The following CP variants were observed in gnomAD, a reference collection of about 807,000 sequenced individuals.
CP encodes caeruloplasmin.
A neutral mutation model predicts 122.4 loss-of-function variants in CP; 64 were observed. The observed-to-expected ratio is 0.52, with a 90% CI of 0.43 to 0.64. The LOEUF is 0.64. CP is among the 30% of genes least tolerant of loss of function. CP has a pLI of 0.00. For synonymous variants in CP, 440 were observed against 436.4 expected (o/e 1.01, Z -0.10); for missense variants, 1,167 against 1,284.4 (o/e 0.91, Z 1.40).
At chr3:149,219,352 C>T (rs551385545) in intron 1 of CP, among the ~76,000 whole-genome samples, 2 of 152,254 alleles carry the variant, frequency 1.3e-5, no homozygotes, top group South Asian at 4.1e-4. Context: ...TTGGCTGTGT[C>T]CCCACCCAAA....
At chr3:149,176,846 A>G in intron 17 of CP, 1 of 162,448 alleles carries the variant, frequency 6.2e-6, no homozygotes, top group South Asian at 1.7e-4. Flanking sequence ...GATGAAAACG[A>G]CAAAAACCAG....
chr3:149,211,192 CAACT>C (rs1274143011), intron 2 of CP, among the ~76,000 whole-genome samples: 2 of 152,146 alleles, frequency 1.3e-5, no homozygotes, highest in Admixed American at 6.5e-5. Context: ...TTTAATAAGA[CAACT>C]AATAATGAAT....
chr3:149,174,480 C>T (rs1289674474), intron 18 of CP, among the ~76,000 whole-genome samples: 1 of 152,106 alleles, frequency 6.6e-6, no homozygotes, highest in East Asian at 1.9e-4. Context: ...GCCAATGTGG[C>T]TACGCACATC....
intron 6 of CP, 142 bp from the exon 7 acceptor site, chr3:149,202,383 G>T: frequency 9.5e-7 from 1 of 1,049,788 alleles, no homozygotes; most frequent in Non-Finnish European, 1.4e-6. Flanking sequence ...ATCCGTACCA[G>T]TTACTCAAAC....
intron 5 of CP, among the ~76,000 whole-genome samples, chr3:149,164,521 G>A (rs190210432): frequency 1.1e-4 from 16 of 152,326 alleles, no homozygotes; most frequent in Admixed American, 3.3e-4. Flanking sequence ...GGTGGATCAG[G>A]CTGGGCCACA....
At chr3:149,210,489 T>G in intron 2 of CP, 110 bp from the exon 3 acceptor site, 1 of 958,850 alleles carries the variant, frequency 1.0e-6, no homozygotes, top group Non-Finnish European at 1.7e-6. Flanking sequence ...ATCTACTATG[T>G]GATCCTTGGG....
In CP at chr3:149,210,192, G is replaced by A; in HGVS notation, c.582C>T (p.Ile194=). The change falls in exon 3 of 19, where the codon ATC becomes ATT. Residue 194 remains isoleucine (I), a synonymous_variant. Transcript: ENST00000264613. ...CTTTTTTACAGATTATTAAAGGTCC[G>A]ATGAGTCCTGAGGCAATATCTTTTG... The part of the protein sequence containing the change: ...DAPKDIASGL[I]GPLIICKKDS... 6 of 1,613,970 alleles carry A rather than the reference G, an allele frequency of 3.7e-6. No individual in the cohort carries two copies. Among genetic ancestry groups the A allele is most frequent in the African/African-American group, 1.3e-5 (1 of 75,026 alleles).
downstream of CP, among the ~76,000 whole-genome samples, chr3:149,169,581 A>G (rs2108191730): frequency 6.6e-6 from 1 of 152,326 alleles, no homozygotes; most frequent in South Asian, 2.1e-4. Context: ...ATTAAACAGT[A>G]TCCCTGGTCT....
intron 10 of CP, 184 bp downstream of exon 10, chr3:149,187,868 A>G: frequency 1.6e-6 from 1 of 631,032 alleles, no homozygotes; most frequent in Non-Finnish European, 2.8e-6. Flanking sequence ...TCTTGAATTA[A>G]GTGAAATAAT....
intron 18 of CP, among the ~76,000 whole-genome samples, chr3:149,174,609 T>C (rs1031201870): frequency 3.3e-5 from 5 of 152,190 alleles, no homozygotes; most frequent in African/African-American, 1.2e-4. Context: ...AAGCAAACTA[T>C]TGTATTGGAT....
intron 1 of CP, among the ~76,000 whole-genome samples, chr3:149,214,222 G>A (rs1473437924): frequency 6.6e-6 from 1 of 152,192 alleles, no homozygotes; most frequent in Non-Finnish European, 1.5e-5. Context: ...GAAGTGGCAG[G>A]ACCTCTGCGG....
At chr3:149,167,586 T>C (rs1164906704), downstream of CP, among the ~76,000 whole-genome samples, 1 of 152,212 alleles carries the variant, frequency 6.6e-6, no homozygotes, top group Non-Finnish European at 1.5e-5. Context: ...TTCTTTTTTT[T>C]CTTCATTCCT....
At chr3:149,175,642 CTG>C (rs1233969738) in intron 18 of CP, among the ~76,000 whole-genome samples, 1 of 138,592 alleles carries the variant, frequency 7.2e-6, no homozygotes, top group Non-Finnish European at 1.6e-5. Flanking sequence ...ACCAAAAAAA[CTG>C]TTCATTTTTC....
At chr3:149,191,996 GTAA>G (rs1726576263) in intron 9 of CP, among the ~76,000 whole-genome samples, 1 of 152,004 alleles carries the variant, frequency 6.6e-6, no homozygotes, top group African/African-American at 2.4e-5. Flanking sequence ...TTCATTTAAT[GTAA>G]TAATAATAAA....
In CP at chr3:149,185,340, G is replaced by C; in HGVS notation, c.2184C>G (p.Tyr728Ter). The change falls in exon 12 of 19, where the codon TAC (tyrosine) becomes TAG (stop). Residue 728 changes from tyrosine to a stop codon, truncating the protein, a stop_gained. Coordinates refer to ENST00000264613, the MANE Select transcript of CP (RefSeq NM_000096.4). LOFTEE classifies it high-confidence loss of function. ...CRRQSEDSTF[Y>*]LGERTYYIAA... ...CGATATAGTATGTCCTCTCTCCCAG[G>C]TAGAAGGTGGAATCCTCAGACTGCC... 1 of 1,614,072 alleles carries C rather than the reference G, an allele frequency of 6.2e-7. No homozygotes were observed. The highest frequency in any genetic ancestry group is 8.5e-7 in the Non-Finnish European group (1 of 1,180,000).
intron 10 of CP, 57 bp downstream of exon 10, chr3:149,187,995 C>G (rs561024038): frequency 1.3e-6 from 2 of 1,570,504 alleles, no homozygotes; most frequent in East Asian, 2.2e-5. Context: ...TAGTTAAAAG[C>G]ATTACATATG....
rs550906553 is a variant in CP, at chr3:149,207,769, A to G, written c.782-152T>C. 5 of 785,270 alleles carry G rather than the reference A, an allele frequency of 6.4e-6. No individual in the cohort carries two copies. The South Asian group carries it at 7.5e-5, about 12-fold the overall frequency. The allele number at this position is 785,270 out of a possible 1,614,324, so 48.6% of individuals were successfully genotyped here. On this transcript the variant is annotated intron_variant, in intron 4 of 18. Transcript: ENST00000264613. ...CCTATACTCATGTCAGACATTGCTA[A>G]TCAATCACAGCACTCTTTCATTTTG...
intron 1 of CP, among the ~76,000 whole-genome samples, chr3:149,218,790 C>T (rs696994): frequency 0.21 from 32,557 of 152,072 alleles, 3,645 homozygotes; most frequent in Middle Eastern, 0.26. Context: ...CTAGTACTTG[C>T]ATATGCATAT....
downstream of CP, chr3:149,167,771 G>A (rs1724573022): frequency 1.4e-6 from 1 of 708,446 alleles, no homozygotes; most frequent in Non-Finnish European, 2.6e-6. Flanking sequence ...AACAAAGTTA[G>A]CTGCCTTAGA....
Sources: gnomAD v4.1 joint callset for allele counts (sites outside exome capture counted in the v4.1 genomes callset) on GRCh38, gnomAD v4.1.1 for gene constraint, MANE v1.5 for transcripts, NCBI Gene and HGNC (gene_info 2026-07-23, HGNC 2026-07-21) for gene names.